CLCNKB: variants seen among roughly 807,000 people sequenced by gnomAD.
CLCNKB encodes chloride channel protein ClC-Kb.
CLCNKB carries 74 observed loss-of-function variants against 83.8 expected under a neutral mutation model. The ratio of observed to expected loss-of-function variants is 0.88; its 90% confidence interval spans 0.73 to 1.07. CLCNKB has a LOEUF of 1.07. Among genes scored for constraint, CLCNKB ranks in the 50% least tolerant of loss-of-function variants. The pLI is 0.00. For missense variants in CLCNKB, 798 were observed against 893.6 expected (o/e 0.89, Z 1.36); for synonymous variants, 358 against 356.6 (o/e 1.00, Z -0.04).
At chr1:16,046,729 G>A (rs570238493) in intron 4 of CLCNKB, 66 bp downstream of exon 4, 30 of 1,590,280 alleles carry the variant, frequency 1.9e-5, no homozygotes, top group South Asian at 5.5e-5. Flanking sequence ...GGGGGGAGTC[G>A]GGAAGGGGCA....
chr1:16,046,785 C>T (rs2023116779), intron 4 of CLCNKB, 122 bp downstream of exon 4: 32 of 1,307,302 alleles, frequency 2.4e-5, no homozygotes, highest in Non-Finnish European at 3.0e-5. Flanking sequence ...TGTGGCTTGC[C>T]CAAAGGGACA....
intron 2 of CLCNKB, 117 bp from the exon 3 acceptor site, chr1:16,045,441 C>A: frequency 2.3e-6 from 3 of 1,288,154 alleles, no homozygotes; most frequent in Non-Finnish European, 3.3e-6. Flanking sequence ...CAGAGTATAC[C>A]ACCAAGCTCC....
Position 16,050,458 on chromosome 1 carries a change from C to T in CLCNKB, c.969-58C>T, listed in dbSNP as rs10927895. ...CCTTGCCTTGCTAGGCCCTGCTTCC[C>T]TCTCCTTGGGATGTGGGAAAGGGAG... is the stretch of plus-strand genomic sequence containing the variant. On this transcript the variant is annotated intron_variant, in intron 10 of 19. Transcript: ENST00000375679. 0.1 allele frequency: 161,300 copies of T among 1,576,692 alleles called. 9,251 individuals are homozygous for T. Among genetic ancestry groups the T allele is most frequent in the Non-Finnish European group, 0.12 (134,179 of 1,146,702 alleles).
In CLCNKB at chr1:16,048,826, C is replaced by T. The variant is rs1570333535; in HGVS notation, c.655+244C>T. 1.5e-5 allele frequency: 22 copies of T among 1,442,954 alleles called. No individual in the cohort carries two copies. In the East Asian group the frequency reaches 5.5e-4, roughly 36 times the overall value. The allele number at this position is 1,442,954 out of a possible 1,614,324, so 89.4% of individuals were successfully genotyped here. A position where few individuals can be genotyped will look rare whatever the true frequency, so the allele number is the denominator to read the frequency against. On this transcript the variant is annotated intron_variant, in intron 7 of 19. Transcript: ENST00000375679. The stretch of plus-strand genomic sequence containing the variant: ...ACTTGGGTTTGAAATCCACGTATGA[C>T]CCTGGCCCGTTGGCCTCTCTGAGCC...
Position 16,047,917 on chromosome 1 carries a change from C to T in CLCNKB, c.371C>T (p.Pro124Leu), listed in dbSNP as rs121909131. 1.9e-5 allele frequency: 30 copies of T among 1,613,648 alleles called. No individual in the cohort carries two copies. The highest frequency in any genetic ancestry group is 2.3e-5 in the Non-Finnish European group (27 of 1,180,028). Residue 124 changes from proline to leucine, a missense_variant, in exon 5 of 20, where the codon CCG (proline) becomes CTG (leucine). Transcript: ENST00000375679. ...CACCCCCGCCAAGGTTCTGGAATCC[C>T]GGAGGTGAAGACCATGTTGGCGGGT... ...ITPSSGGSGI[P>L]EVKTMLAGVV...
Position 16,044,481 on chromosome 1 carries a change from T to C in CLCNKB, c.-7-5T>C. The C allele has an allele frequency of 4.4e-6, 7 of 1,594,312 alleles. No individual in the cohort carries two copies. Among genetic ancestry groups the C allele is most frequent in the Non-Finnish European group, 6.0e-6 (7 of 1,171,344 alleles). ...CGCGGTCCCTCCCTCTATCCGCTTCTCCAGGGGCCTGATGGAGGAGTTTGT... is the reference window on the plus strand; with the variant it reads ...CGCGGTCCCTCCCTCTATCCGCTTCCCCAGGGGCCTGATGGAGGAGTTTGT... On this transcript the variant is annotated splice_polypyrimidine_tract_variant and splice_region_variant and intron_variant, in intron 1 of 19. Coordinates refer to ENST00000375679, the MANE Select transcript of CLCNKB (RefSeq NM_000085.5).
At chr1:16,044,642 C>T in intron 2 of CLCNKB, 50 bp downstream of exon 2, 1 of 1,445,742 alleles carries the variant, frequency 6.9e-7, no homozygotes, top group Non-Finnish European at 9.5e-7. Context: ...CTCAGGACAT[C>T]ATTCCTGCCC....
intron 12 of CLCNKB, 135 bp from the exon 13 acceptor site, chr1:16,051,343 C>T (rs2023283513): frequency 3.3e-6 from 4 of 1,212,524 alleles, no homozygotes; most frequent in Non-Finnish European, 4.9e-6. Flanking sequence ...CCCCTAATGC[C>T]AGACTCTGGC....
At chr1:16,052,892 T>C (rs1487516886) in intron 15 of CLCNKB, among the ~76,000 whole-genome samples, 1 of 152,194 alleles carries the variant, frequency 6.6e-6, no homozygotes, top group Non-Finnish European at 1.5e-5. Flanking sequence ...AAAGAGGCTC[T>C]GAGAGTCCCT....
intron 8 of CLCNKB, 145 bp from the exon 9 acceptor site, chr1:16,049,473 A>G (rs917191197): frequency 3.2e-5 from 49 of 1,533,288 alleles, no homozygotes; most frequent in Non-Finnish European, 4.2e-5. Context: ...GGGAGGCAGG[A>G]GCCTGGTTGT....
At chr1:16,051,952 G>T (rs988787786) in intron 14 of CLCNKB, 132 bp downstream of exon 14, 2 of 864,560 alleles carry the variant, frequency 2.3e-6, no homozygotes, top group Non-Finnish European at 1.9e-6. Flanking sequence ...CCTCATGGGG[G>T]TCTGTCCCTC....
chr1:16,048,945 C>T (rs747514773), intron 7 of CLCNKB, 175 bp from the exon 8 acceptor site: 1 of 1,489,156 alleles, frequency 6.7e-7, no homozygotes, highest in Non-Finnish European at 8.9e-7. Context: ...GGTCTCTGGG[C>T]AGCGGGCTCC....
At position 16,044,653 on chromosome 1, in the gene CLCNKB, A is replaced by G. The variant is rs896996647; in HGVS notation, c.100+61A>G. The stretch of plus-strand genomic sequence containing the variant: ...ACCACTCAGGACATCATTCCTGCCC[A>G]GCTCCCACCCCACCTCCCTGCCCAG... On this transcript the variant is annotated intron_variant, in intron 2 of 19. Coordinates refer to ENST00000375679, the MANE Select transcript of CLCNKB (RefSeq NM_000085.5). 2.3e-5 allele frequency: 32 copies of G among 1,379,976 alleles called. No individual in the cohort carries two copies. In the Admixed American group the frequency reaches 4.5e-4, roughly 20 times the overall value. The allele number at this position is 1,379,976 out of a possible 1,614,324, so 85.5% of individuals were successfully genotyped here.
rs2124091243 is a variant in CLCNKB, at chr1:16,048,525, A to G, written c.598A>G (p.Met200Val). The G allele has an allele frequency of 1.2e-6, 2 of 1,613,332 alleles. No individual in the cohort carries two copies. Among genetic ancestry groups the G allele is most frequent in the East Asian group, 4.5e-5 (2 of 44,850 alleles). The change falls in exon 7 of 20, where the codon ATG becomes GTG. Residue 200 changes from methionine to valine, a missense_variant. By Grantham distance (21) the Met-to-Val change is conservative. Transcript: ENST00000375679. ...EPENKSKQNE[M>V]LVAAAAVGVA... ...CCAGAACAAGAGCAAGCAAAACGAA[A>G]TGCTGGTGGCAGCGGCGGCAGTGGG... is the stretch of plus-strand genomic sequence containing the variant.
At chr1:16,044,853 C>G (rs933822646) in intron 2 of CLCNKB, among the ~76,000 whole-genome samples, 1 of 152,232 alleles carries the variant, frequency 6.6e-6, no homozygotes, top group African/African-American at 2.4e-5. Context: ...ATCTTCCACC[C>G]AGGCCTCTCC....
intron 10 of CLCNKB, among the ~76,000 whole-genome samples, chr1:16,050,159 C>A (rs1044354429): frequency 6.7e-6 from 1 of 150,284 alleles, no homozygotes; most frequent in African/African-American, 2.5e-5. Flanking sequence ...CTCAGTGAAC[C>A]CCAACCCCCT....
Position 16,052,384 on chromosome 1 carries a change from T to G in CLCNKB, c.1595T>G (p.Leu532Arg). The G allele has an allele frequency of 6.2e-7, 1 of 1,613,538 alleles. No individual in the cohort carries two copies. Among genetic ancestry groups the G allele is most frequent in the Non-Finnish European group, 8.5e-7 (1 of 1,180,042 alleles). Residue 532 changes from leucine (L) to arginine (R), a missense_variant, in exon 15 of 20, where the codon CTG becomes CGG. Coordinates refer to ENST00000375679, the MANE Select transcript of CLCNKB (RefSeq NM_000085.5). ...GTVIVKKLPY[L>R]PRILGRNIGS... ...GTCATTGTCAAGAAGCTGCCATACC[T>G]GCCACGGATTCTGGGCCGCAACATC...
rs1224195000 is a variant in CLCNKB, at chr1:16,055,521, C to G, written c.1843C>G (p.Gln615Glu). The G allele has an allele frequency of 3.2e-6, 5 of 1,567,462 alleles. No individual in the cohort carries two copies. The African/African-American group carries it at 4.1e-5, about 13-fold the overall frequency. The change falls in exon 17 of 20, where the codon CAG becomes GAG. Residue 615 changes from glutamine to glutamate, a missense_variant and splice_region_variant. Gln to Glu is a conservative substitution (Grantham distance 29). Coordinates refer to ENST00000375679, the MANE Select transcript of CLCNKB (RefSeq NM_000085.5). ...GCCTCCTTCCTGGGCTCCTGGACAC[C>G]AGGTGGGTACTCCTGAGGGGCATGG... Reference protein sequence around the residue: ...AEPPSWAPGHQQCLQDILAAG... With the variant: ...AEPPSWAPGHEQCLQDILAAG...
rs772320740 is a variant in CLCNKB at position 16,046,614 on chromosome 1, C to T, written c.309C>T (p.Leu103=). The T allele has an allele frequency of 1.9e-5, 31 of 1,614,050 alleles. 1 individual carries two copies. In the East Asian group the frequency reaches 2.2e-4, roughly 12 times the overall value. Residue 103 remains leucine (L), a synonymous_variant, in exon 4 of 20, where the codon CTC becomes CTT. Transcript: ENST00000375679. ...YLSWTVYPVA[L]VSFSSGFSQS... is the part of the protein sequence containing the mutation. ...CCTGGACTGTGTACCCTGTGGCCCT[C>T]GTCTCTTTCTCTTCAGGCTTCTCTC...
Sources: allele counts gnomAD v4.1 joint callset (sites outside exome capture counted in the v4.1 genomes callset), GRCh38; gene constraint gnomAD v4.1.1; transcripts MANE v1.5; gene names NCBI Gene and HGNC (gene_info 2026-07-23, HGNC 2026-07-21).